The following VIT variants were observed in gnomAD, a reference collection of about 807,000 sequenced individuals.
The protein encoded by VIT is vitrin.
Under a neutral mutation model 78.0 loss-of-function variants are expected in VIT, and 99 were observed. That is an observed-to-expected ratio of 1.27 (90% CI 1.08 to 1.50). The LOEUF is 1.50. Ranked by LOEUF, VIT falls within the 40% of genes most tolerant of loss-of-function variation. The pLI is 0.00. For missense variants in VIT, 1,126 were observed against 875.3 expected, an observed-to-expected ratio of 1.29 and a Z score of -3.61; for synonymous variants, 374 against 334.3, an observed-to-expected ratio of 1.12 and a Z score of -1.29.
intron 1 of VIT, among the ~76,000 whole-genome samples, chr2:36,710,119 T>G (rs1294888267): frequency 6.6e-6 from 1 of 152,244 alleles, no homozygotes; most frequent in African/African-American, 2.4e-5. Flanking sequence ...ATCTGGTTTA[T>G]GTTAATTGAA....
intron 6 of VIT, among the ~76,000 whole-genome samples, chr2:36,765,538 C>A (rs1435784965): frequency 6.6e-6 from 1 of 152,176 alleles, no homozygotes; most frequent in African/African-American, 2.4e-5. Context: ...ATGATCCAAT[C>A]ACCTTCCACC....
intron 7 of VIT, among the ~76,000 whole-genome samples, chr2:36,772,471 G>A (rs567588782): frequency 1.3e-5 from 2 of 152,252 alleles, no homozygotes; most frequent in East Asian, 3.9e-4. Context: ...GAAGGCGGAG[G>A]TTGTGGGGAG....
chr2:36,747,363 T>C (rs1270434613), intron 4 of VIT, among the ~76,000 whole-genome samples: 1 of 152,224 alleles, frequency 6.6e-6, no homozygotes, highest in African/African-American at 2.4e-5. Context: ...GTCAGTTTTC[T>C]GTCTCAAGGA....
At chr2:36,716,710 T>A (rs1666157831) in intron 2 of VIT, among the ~76,000 whole-genome samples, 1 of 152,186 alleles carries the variant, frequency 6.6e-6, no homozygotes, top group South Asian at 2.1e-4. Context: ...AGCTTGTGTA[T>A]TCCTCAGCAA....
At position 36,743,197 on chromosome 2, in the gene VIT, T is replaced by C. The variant is rs766044312; in HGVS notation, c.216T>C (p.His72=). The part of the protein sequence containing the change: ...CPAGCQDPKY[H]VYGTDVYASY... ...CAGGATGCCAAGACCCCAAATACCA[T>C]GTTTATGGCACTGACGTGTATGCAT... Residue 72 remains histidine (H), a synonymous_variant, in exon 4 of 16, where the codon CAT becomes CAC. Transcript: ENST00000379242. 9 of 1,613,910 alleles carry C rather than the reference T, an allele frequency of 5.6e-6. No homozygotes were observed. The East Asian group carries it at 8.9e-5, about 16-fold the overall frequency.
intron 5 of VIT, among the ~76,000 whole-genome samples, chr2:36,755,830 A>G (rs539578654): frequency 6.6e-6 from 1 of 152,264 alleles, no homozygotes; most frequent in African/African-American, 2.4e-5. Flanking sequence ...GATTGTTTTT[A>G]AAAATATAAT....
intron 6 of VIT, among the ~76,000 whole-genome samples, chr2:36,765,255 T>C (rs1334434855): frequency 1.3e-5 from 2 of 152,098 alleles, no homozygotes; most frequent in African/African-American, 4.8e-5. Context: ...GAGGTTGTAT[T>C]AGTTCGTTCT....
chr2:36,804,459 C>T (rs1411331224), intron 13 of VIT, among the ~76,000 whole-genome samples: 3 of 152,204 alleles, frequency 2.0e-5, no homozygotes, highest in Non-Finnish European at 4.4e-5. Context: ...ACTCCTCCCA[C>T]CCTACACTCT....
At chr2:36,799,471 G>C (rs2148661805) in intron 12 of VIT, among the ~76,000 whole-genome samples, 1 of 152,278 alleles carries the variant, frequency 6.6e-6, no homozygotes, top group African/African-American at 2.4e-5. Context: ...TTGGCACTTT[G>C]GGAGGCCAAA....
At chr2:36,736,118 C>T (rs1667496144) in intron 3 of VIT, among the ~76,000 whole-genome samples, 1 of 152,130 alleles carries the variant, frequency 6.6e-6, no homozygotes, top group South Asian at 2.1e-4. Context: ...TAGATCTAAC[C>T]TTAGCCAGAG....
intron 1 of VIT, among the ~76,000 whole-genome samples, chr2:36,701,967 T>C (rs1008678983): frequency 2.0e-5 from 3 of 152,172 alleles, no homozygotes; most frequent in Non-Finnish European, 4.4e-5. Flanking sequence ...ATTTTCTCAA[T>C]CTGGGGGCAC....
chr2:36,722,969 T>A (rs2110876), intron 2 of VIT, among the ~76,000 whole-genome samples: 98,874 of 150,422 alleles, frequency 0.66, 32,686 homozygotes, highest in Middle Eastern at 0.73. Context: ...GATTCTAATT[T>A]TATAAATTAT....
chr2:36,794,026 A>G (rs1665687320), intron 12 of VIT, among the ~76,000 whole-genome samples: 1 of 152,194 alleles, frequency 6.6e-6, no homozygotes, highest in Admixed American at 6.5e-5. Context: ...TTTTATCATC[A>G]GGTAGGTCTG....
intron 14 of VIT, among the ~76,000 whole-genome samples, 180 bp from the exon 15 acceptor site, chr2:36,808,292 G>A (rs773494455): frequency 2.6e-5 from 4 of 152,220 alleles, no homozygotes; most frequent in African/African-American, 7.2e-5. Context: ...GCGATAACCC[G>A]GGGGCTTCGC....
intron 3 of VIT, among the ~76,000 whole-genome samples, chr2:36,730,255 T>C (rs115968314): frequency 6.8e-6 from 1 of 146,382 alleles, no homozygotes; most frequent in Non-Finnish European, 1.5e-5. Flanking sequence ...ACCACTGAAC[T>C]CCAGCCTGGG....
intron 1 of VIT, among the ~76,000 whole-genome samples, chr2:36,711,859 ACT>A (rs1054018974): frequency 1.3e-5 from 2 of 152,134 alleles, no homozygotes; most frequent in African/African-American, 2.4e-5. Context: ...ACTAATGTAT[ACT>A]CTTTTTTCAC....
intron 1 of VIT, among the ~76,000 whole-genome samples, chr2:36,706,412 T>C (rs1665422591): frequency 6.6e-6 from 1 of 152,134 alleles, no homozygotes; most frequent in South Asian, 2.1e-4. Context: ...AACATCAATA[T>C]CATGCACAGG....
intron 3 of VIT, among the ~76,000 whole-genome samples, chr2:36,742,185 T>A (rs1049578197): frequency 6.6e-6 from 1 of 152,184 alleles, no homozygotes; most frequent in Non-Finnish European, 1.5e-5. Context: ...CTTCTGGAGT[T>A]ATTGAGGAAA....
At chr2:36,746,067 A>T (rs1172910198) in intron 4 of VIT, among the ~76,000 whole-genome samples, 2 of 152,078 alleles carry the variant, frequency 1.3e-5, no homozygotes, top group Non-Finnish European at 2.9e-5. Flanking sequence ...AGATGATCAC[A>T]TGGTTTTTGT....
Sources: gnomAD v4.1 joint callset for allele counts (sites outside exome capture counted in the v4.1 genomes callset) on GRCh38, gnomAD v4.1.1 for gene constraint, MANE v1.5 for transcripts, NCBI Gene and HGNC (gene_info 2026-07-23, HGNC 2026-07-21) for gene names.